HECTD2: variants seen among roughly 807,000 people sequenced by gnomAD.
The protein encoded by HECTD2 is HECT domain E3 ubiquitin protein ligase 2, also known as probable E3 ubiquitin-protein ligase HECTD2.
In HECTD2, 35 loss-of-function variants were observed where a neutral mutation model predicts 103.2. The observed-to-expected ratio is 0.34, with a 90% CI of 0.26 to 0.45. The LOEUF is 0.45. HECTD2 is among the 20% of genes least tolerant of loss of function. The pLI is 1.00. For synonymous variants in HECTD2, 281 were observed against 329.9 expected (o/e 0.85, Z 1.61); for missense variants, 596 against 937.4 (o/e 0.64, Z 4.76).
Position 91,461,300 on chromosome 10 carries a change from C to A in HECTD2, c.454C>A (p.His152Asn), listed in dbSNP as rs376090534. The A allele has an allele frequency of 7.1e-6, 11 of 1,556,220 alleles. No individual in the cohort carries two copies. The highest frequency in any genetic ancestry group is 8.7e-6 in the Non-Finnish European group (10 of 1,153,632). Reference protein sequence around the residue: ...VKSSGDWKAVHDFYLTTFDSF... With the variant: ...VKSSGDWKAVNDFYLTTFDSF... Reference sequence around the variant, plus strand: ...GTCATCAGGAGATTGGAAAGCAGTACATGATTTTTATCTAACAACGTTTGA... The same window carrying A: ...GTCATCAGGAGATTGGAAAGCAGTAAATGATTTTTATCTAACAACGTTTGA... Residue 152 changes from histidine to asparagine, a missense_variant, in exon 4 of 21, where the codon CAT becomes AAT. This residue lies in a region of HECTD2 where 220 missense variants were observed against 233.9 expected (regional missense o/e 0.94). Coordinates refer to ENST00000298068, the MANE Select transcript of HECTD2 (RefSeq NM_182765.6).
intron 1 of HECTD2, among the ~76,000 whole-genome samples, chr10:91,417,639 G>C (rs1331208710): frequency 6.6e-6 from 1 of 151,894 alleles, no homozygotes; most frequent in African/African-American, 2.4e-5. Context: ...CCTTGTGATA[G>C]TTTGCTGAGA....
At chr10:91,500,263 A>G (rs1335133266) in intron 18 of HECTD2, among the ~76,000 whole-genome samples, 2 of 152,188 alleles carry the variant, frequency 1.3e-5, no homozygotes, top group African/African-American at 4.8e-5. Context: ...GTGCAAAGTA[A>G]TTTGCTTGTT....
chr10:91,410,875 T>A (rs1161895293), intron 1 of HECTD2, among the ~76,000 whole-genome samples: 1 of 152,192 alleles, frequency 6.6e-6, no homozygotes, highest in East Asian at 1.9e-4. Flanking sequence ...GAGAATGACC[T>A]GCATCTTGAG....
Position 91,410,352 on chromosome 10 carries a change from C to G in HECTD2, c.-87C>G. 1.2e-6 allele frequency: 1 copy of G among 869,074 alleles called. No homozygotes were observed. The highest frequency in any genetic ancestry group is 1.5e-6 in the Non-Finnish European group (1 of 673,448). The allele number at this position is 869,074 out of a possible 1,614,324, so 53.8% of individuals were successfully genotyped here. A position where few individuals can be genotyped will look rare whatever the true frequency, so the allele number is the denominator to read the frequency against. On this transcript the variant is annotated 5_prime_UTR_variant, in exon 1 of 21. Transcript: ENST00000298068. The stretch of plus-strand genomic sequence containing the variant: ...GCTAGAAGCGGCAGCCCAGAGCCCT[C>G]TCGCGGCCGCGGCGGCAGCAGCAGC...
At chr10:91,479,108 A>G (rs1049329392) in intron 6 of HECTD2, among the ~76,000 whole-genome samples, 2 of 152,132 alleles carry the variant, frequency 1.3e-5, no homozygotes, top group African/African-American at 4.8e-5. Flanking sequence ...CAGCTTACTC[A>G]GGAGGCTGAG....
rs1847479067 is a variant in HECTD2 at position 91,513,025 on chromosome 10, A to G, written c.*641A>G. The stretch of plus-strand genomic sequence containing the variant: ...TTACAAAGTAAATTCAGGGTTTTAG[A>G]TGTGTACACAGCTTTTACAAATCAA... On this transcript the variant is annotated 3_prime_UTR_variant, in exon 21 of 21. Transcript: ENST00000298068. 1 of 152,698 alleles carries G rather than the reference A, an allele frequency of 6.5e-6. No homozygotes were observed. Among genetic ancestry groups the G allele is most frequent in the African/African-American group, 2.4e-5 (1 of 41,466 alleles). The allele number at this position is 152,698 out of a possible 1,614,324, so 9.5% of individuals were successfully genotyped here.
intron 20 of HECTD2, among the ~76,000 whole-genome samples, chr10:91,504,868 A>G (rs1030410852): frequency 6.6e-5 from 10 of 152,300 alleles, no homozygotes; most frequent in Admixed American, 3.3e-4. Flanking sequence ...TGTTAAGGGC[A>G]GCCAGAGAGA....
At chr10:91,441,886 CTT>C (rs765691512) in intron 2 of HECTD2, among the ~76,000 whole-genome samples, 19 of 81,932 alleles carry the variant, frequency 2.3e-4, no homozygotes, top group East Asian at 1.1e-3. Flanking sequence ...GCAACCCTTG[CTT>C]TTTTTTTTTT....
At chr10:91,479,622 A>C (rs763433122) in intron 6 of HECTD2, among the ~76,000 whole-genome samples, 1 of 152,310 alleles carries the variant, frequency 6.6e-6, no homozygotes, top group East Asian at 1.9e-4. Context: ...GTTTATGTGA[A>C]TAATTCCACA....
intron 2 of HECTD2, among the ~76,000 whole-genome samples, chr10:91,458,812 A>G (rs1022736766): frequency 1.4e-4 from 21 of 152,138 alleles, no homozygotes; most frequent in African/African-American, 5.1e-4. Context: ...TTTGGGCTCT[A>G]GAACTAGAAA....
At chr10:91,471,161 G>A (rs371422869) in intron 5 of HECTD2, among the ~76,000 whole-genome samples, 1 of 152,090 alleles carries the variant, frequency 6.6e-6, no homozygotes, top group Non-Finnish European at 1.5e-5. Flanking sequence ...TGCAAGGTTG[G>A]TTCATCCTAC....
intron 20 of HECTD2, among the ~76,000 whole-genome samples, chr10:91,509,163 TACCTAATGCTAGATG>T (rs1847322557): frequency 6.7e-6 from 1 of 148,172 alleles, no homozygotes; most frequent in African/African-American, 2.5e-5. Flanking sequence ...CTGGGAGATA[TACCTAATGCTAGATG>T]ACGGGTTAGT....
intron 1 of HECTD2, among the ~76,000 whole-genome samples, chr10:91,412,629 T>A (rs1320613971): frequency 2.4e-4 from 36 of 149,542 alleles, no homozygotes; most frequent in Admixed American, 7.3e-4. Context: ...TATTTATTTT[T>A]TAAAAAAAAA....
intron 1 of HECTD2, among the ~76,000 whole-genome samples, chr10:91,417,068 G>T (rs1244952686): frequency 6.6e-6 from 1 of 152,222 alleles, no homozygotes; most frequent in East Asian, 1.9e-4. Context: ...AGTAGAGAAA[G>T]ATCAACAGAA....
At chr10:91,462,548 C>T (rs1845392912) in intron 5 of HECTD2, 1 of 1,037,124 alleles carries the variant, frequency 9.6e-7, no homozygotes, top group Non-Finnish European at 1.2e-6. Flanking sequence ...TGTTAAAATA[C>T]AGAATTTCAG....
chr10:91,443,778 A>T (rs568067866), intron 2 of HECTD2, among the ~76,000 whole-genome samples: 10 of 152,326 alleles, frequency 6.6e-5, no homozygotes, highest in African/African-American at 2.4e-4. Context: ...ACACTCTTCC[A>T]TGGTTTTAAA....
intron 2 of HECTD2, among the ~76,000 whole-genome samples, chr10:91,431,252 G>A (rs1227548720): frequency 2.0e-5 from 3 of 151,962 alleles, no homozygotes; most frequent in Non-Finnish European, 4.4e-5. Context: ...GAGATCTGCT[G>A]TTAGTCTGAT....
chr10:91,501,385 C>T, intron 20 of HECTD2, 51 bp downstream of exon 20: 1 of 1,147,594 alleles, frequency 8.7e-7, no homozygotes, highest in Non-Finnish European at 1.3e-6. Flanking sequence ...ACTGCTAATA[C>T]TGCTAATGAT....
intron 1 of HECTD2, among the ~76,000 whole-genome samples, chr10:91,415,659 A>G (rs1843097022): frequency 6.6e-6 from 1 of 152,188 alleles, no homozygotes; most frequent in South Asian, 2.1e-4. Flanking sequence ...CCAATTCTGA[A>G]CACTCGACAT....
Sources: gnomAD v4.1 joint callset for allele counts (sites outside exome capture counted in the v4.1 genomes callset) on GRCh38, gnomAD v4.1.1 for gene constraint, gnomAD v4.1.1 regional missense constraint, MANE v1.5 for transcripts, NCBI Gene and HGNC (gene_info 2026-07-23, HGNC 2026-07-21) for gene names.